Variants in GLI3 observed in about 807,000 individuals in gnomAD.
GLI3 encodes transcription activator GLI3.
In GLI3, 20 loss-of-function variants were observed where a neutral mutation model predicts 100.8. The ratio of observed to expected loss-of-function variants is 0.20; its 90% confidence interval spans 0.14 to 0.29. The LOEUF (loss-of-function observed/expected upper bound fraction) is 0.29, where lower values mean the gene tolerates loss of function less well. Among genes scored for constraint, GLI3 ranks in the 10% least tolerant of loss-of-function variants. The pLI is 1.00. For missense variants in GLI3, 2,040 were observed against 2,128.5 expected (o/e 0.96, Z 0.82); for synonymous variants, 938 against 860.5 (o/e 1.09, Z -1.58).
chr7:42,063,013 C>T (rs1235493602), intron 4 of GLI3, among the ~76,000 whole-genome samples: 1 of 152,126 alleles, frequency 6.6e-6, no homozygotes, highest in Non-Finnish European at 1.5e-5. Flanking sequence ...TGAAGTCTTA[C>T]CCTCTCAGAG....
chr7:42,033,759 T>C (rs1789360886), intron 7 of GLI3, among the ~76,000 whole-genome samples: 1 of 152,144 alleles, frequency 6.6e-6, no homozygotes, highest in African/African-American at 2.4e-5. Context: ...CCAACAGCTA[T>C]CATTACTTGT....
At chr7:42,042,239 C>T (rs1425837680) in intron 6 of GLI3, among the ~76,000 whole-genome samples, 1 of 152,060 alleles carries the variant, frequency 6.6e-6, no homozygotes, top group Non-Finnish European at 1.5e-5. Context: ...TGGTCTCGAT[C>T]TCTTGACCTT....
intron 3 of GLI3, among the ~76,000 whole-genome samples, chr7:42,141,511 A>C (rs1476867678): frequency 2.6e-5 from 4 of 152,066 alleles, no homozygotes; most frequent in African/African-American, 7.2e-5. Context: ...GTGTCTACTA[A>C]AAATATAAAA....
chr7:42,015,479 A>C (rs1254086208), intron 10 of GLI3, among the ~76,000 whole-genome samples: 1 of 152,172 alleles, frequency 6.6e-6, no homozygotes, highest in East Asian at 1.9e-4. Flanking sequence ...CTTAAAAAAA[A>C]AGTCCTCGCA....
intron 10 of GLI3, among the ~76,000 whole-genome samples, chr7:41,999,162 C>T (rs1373500431): frequency 3.3e-5 from 5 of 152,088 alleles, no homozygotes; most frequent in Admixed American, 6.5e-5. Flanking sequence ...AATGCTGGAC[C>T]TTAGATGGCA....
At chr7:41,968,002 A>C (rs1295816100) in intron 13 of GLI3, 79 bp from the exon 14 acceptor site, 2 of 1,064,458 alleles carry the variant, frequency 1.9e-6, no homozygotes, top group Non-Finnish European at 2.9e-6. Context: ...GAGCTCATGC[A>C]TATCGAGATC....
chr7:42,025,953 C>G (rs1277871437), intron 8 of GLI3, among the ~76,000 whole-genome samples: 2 of 152,214 alleles, frequency 1.3e-5, no homozygotes, highest in Non-Finnish European at 2.9e-5. Context: ...ACAGTGAAGC[C>G]TTATCAAGCA....
chr7:42,182,632 GTA>G (rs1787615603), intron 2 of GLI3, among the ~76,000 whole-genome samples: 2 of 74,878 alleles, frequency 2.7e-5, no homozygotes, highest in Admixed American at 1.6e-4. Flanking sequence ...ATATGCATAT[GTA>G]TATGTGTGTG....
intron 12 of GLI3, among the ~76,000 whole-genome samples, chr7:41,975,102 T>C (rs1380392138): frequency 4.6e-5 from 7 of 152,234 alleles, no homozygotes; most frequent in East Asian, 3.9e-4. Flanking sequence ...AGCGGTATCT[T>C]TGGGGGAAAA....
In GLI3 at chr7:41,978,678, T is replaced by A; in HGVS notation, c.1568A>T (p.Glu523Val). 1.2e-6 allele frequency: 2 copies of A among 1,613,874 alleles called. No individual in the cohort carries two copies. Among genetic ancestry groups the A allele is most frequent in the East Asian group, 4.5e-5 (2 of 44,864 alleles). The change falls in exon 11 of 15, where the codon GAG (glutamate) becomes GTG (valine). Residue 523 changes from glutamate to valine, a missense_variant. Physicochemically the swap from Glu to Val is moderately radical, Grantham distance 121. This residue lies in a region of GLI3 where 603 missense variants were observed against 690.9 expected (regional missense o/e 0.87). Transcript: ENST00000395925. ...ATACTGGGCTTTGAAGGGTTTCTGCTCTCTTGAGCAGTCCAGCCACCTGCA... is the reference window on the plus strand; with the variant it reads ...ATACTGGGCTTTGAAGGGTTTCTGCACTCTTGAGCAGTCCAGCCACCTGCA... ...FVCRWLDCSREQKPFKAQYML... is the reference protein window; with the variant it reads ...FVCRWLDCSRVQKPFKAQYML...
At chr7:42,040,596 T>G (rs1784116565) in intron 6 of GLI3, among the ~76,000 whole-genome samples, 1 of 152,160 alleles carries the variant, frequency 6.6e-6, no homozygotes, top group African/African-American at 2.4e-5. Context: ...ACAAAGACAG[T>G]GGTTCCCACA....
At chr7:42,198,237 G>A (rs1401091538) in intron 2 of GLI3, among the ~76,000 whole-genome samples, 1 of 152,172 alleles carries the variant, frequency 6.6e-6, no homozygotes, top group African/African-American at 2.4e-5. Context: ...AAGTAAACAC[G>A]CAAATGTGCA....
chr7:42,262,073 T>A (rs1463734884), intron 1 of GLI3, among the ~76,000 whole-genome samples: 2 of 151,634 alleles, frequency 1.3e-5, no homozygotes, highest in African/African-American at 4.8e-5. Context: ...TCTCTCTCTC[T>A]TTCTTTCTTT....
At chr7:42,029,824 C>T (rs184740456) in intron 7 of GLI3, among the ~76,000 whole-genome samples, 11 of 152,270 alleles carry the variant, frequency 7.2e-5, no homozygotes, top group East Asian at 1.9e-4. Context: ...TTTTCTACTG[C>T]GTGACAATTC....
chr7:42,257,153 G>T (rs1008524482), intron 1 of GLI3, among the ~76,000 whole-genome samples: 1 of 151,958 alleles, frequency 6.6e-6, no homozygotes, highest in Non-Finnish European at 1.5e-5. Flanking sequence ...TAGTTAATTA[G>T]TTCTAGTGGT....
At chr7:42,006,429 A>G (rs1788462524) in intron 10 of GLI3, among the ~76,000 whole-genome samples, 1 of 152,214 alleles carries the variant, frequency 6.6e-6, no homozygotes, top group Non-Finnish European at 1.5e-5. Context: ...TGAGGAGTCC[A>G]AGAATTCTCT....
At chr7:42,103,907 C>T (rs1425671227) in intron 3 of GLI3, among the ~76,000 whole-genome samples, 1 of 152,132 alleles carries the variant, frequency 6.6e-6, no homozygotes, top group Non-Finnish European at 1.5e-5. Flanking sequence ...TAAATAATAA[C>T]AGAGTTAATA....
chr7:41,983,660 G>A (rs777700298), intron 10 of GLI3, among the ~76,000 whole-genome samples: 16 of 152,114 alleles, frequency 1.1e-4, no homozygotes, highest in African/African-American at 3.1e-4. Flanking sequence ...CCAGAGGCCC[G>A]AGAGTCAGAA....
At chr7:42,015,786 C>G (rs1354210701) in intron 10 of GLI3, among the ~76,000 whole-genome samples, 1 of 151,948 alleles carries the variant, frequency 6.6e-6, no homozygotes, top group East Asian at 1.9e-4. Flanking sequence ...TAAGTAGCTT[C>G]TTACTAGAGA....
Sources: allele counts gnomAD v4.1 joint callset (sites outside exome capture counted in the v4.1 genomes callset), GRCh38; gene constraint gnomAD v4.1.1; regional missense constraint gnomAD v4.1.1; transcripts MANE v1.5; gene names NCBI Gene and HGNC (gene_info 2026-07-23, HGNC 2026-07-21).